ZMAT4: variants seen among roughly 807,000 people sequenced by gnomAD.
The protein encoded by ZMAT4 is zinc finger matrin-type 4.
In ZMAT4, 17 loss-of-function variants were observed where a neutral mutation model predicts 28.7. That is an observed-to-expected ratio of 0.59 (90% CI 0.41 to 0.89). The LOEUF is 0.89. Among genes scored for constraint, ZMAT4 ranks in the 40% least tolerant of loss-of-function variants. The pLI is 0.00. For missense variants in ZMAT4, 240 were observed against 283.8 expected (o/e 0.85, Z 1.11); for synonymous variants, 117 against 109.2 (o/e 1.07, Z -0.44).
chr8:40,767,529 T>A (rs2150561349), intron 3 of ZMAT4, 112 bp downstream of exon 3: 1 of 830,574 alleles, frequency 1.2e-6, no homozygotes, highest in Non-Finnish European at 1.8e-6. Context: ...GAACTATTTC[T>A]ACTCACTCAG....
intron 1 of ZMAT4, among the ~76,000 whole-genome samples, chr8:40,834,793 G>GT (rs1816417193): frequency 6.6e-6 from 1 of 152,208 alleles, no homozygotes; most frequent in South Asian, 2.1e-4. Flanking sequence ...TAAGGCTCCA[G>GT]TACTGTACCT....
At chr8:40,639,695 C>T (rs138007593) in intron 5 of ZMAT4, among the ~76,000 whole-genome samples, 62 of 147,990 alleles carry the variant, frequency 4.2e-4, no homozygotes, top group Middle Eastern at 3.6e-3. Flanking sequence ...TATCTGAGTT[C>T]CTGCCTGCTG....
chr8:40,544,213 C>G (rs1158094281), intron 6 of ZMAT4, among the ~76,000 whole-genome samples: 1 of 152,108 alleles, frequency 6.6e-6, no homozygotes, highest in African/African-American at 2.4e-5. Flanking sequence ...TTATAGTAAA[C>G]TGTAAGAGTG....
In ZMAT4 at chr8:40,560,360, A is replaced by G. The variant is rs1174813931; in HGVS notation, c.674+20805T>C. On this transcript the variant is annotated intron_variant, in intron 6 of 6. Transcript: ENST00000297737. The stretch of plus-strand genomic sequence containing the variant: ...TTCCTATGCCACAGTACCAGCAGAA[A>G]TATATTTTTTCATTTTATTCATCAA... Among the ~76,000 whole-genome samples the G allele has an allele frequency of 2.0e-5, 3 of 152,052 alleles. No individual in the cohort carries two copies. In the East Asian group the frequency reaches 5.8e-4, roughly 29 times the overall value.
At chr8:40,824,884 A>G (rs1394564434) in intron 2 of ZMAT4, among the ~76,000 whole-genome samples, 2 of 152,146 alleles carry the variant, frequency 1.3e-5, no homozygotes, top group Non-Finnish European at 2.9e-5. Context: ...TACTCAATCC[A>G]CAGCACCTCA....
At chr8:40,880,934 C>T (rs1173128285) in intron 1 of ZMAT4, among the ~76,000 whole-genome samples, 1 of 152,166 alleles carries the variant, frequency 6.6e-6, no homozygotes, top group Non-Finnish European at 1.5e-5. Context: ...TCAGCTCAGC[C>T]CAACCCAAAC....
intron 1 of ZMAT4, among the ~76,000 whole-genome samples, chr8:40,895,819 G>A (rs1039795801): frequency 6.6e-6 from 1 of 152,134 alleles, no homozygotes; most frequent in Non-Finnish European, 1.5e-5. Context: ...GAAAACCAAG[G>A]TGCTCTCATG....
intron 2 of ZMAT4, among the ~76,000 whole-genome samples, chr8:40,786,001 C>T (rs2150575210): frequency 6.6e-6 from 1 of 152,162 alleles, no homozygotes; most frequent in East Asian, 1.9e-4. Context: ...CCTTCAGCTC[C>T]TTGACAGCCC....
At chr8:40,792,918 CA>C (rs1814424201) in intron 2 of ZMAT4, among the ~76,000 whole-genome samples, 1 of 151,718 alleles carries the variant, frequency 6.6e-6, no homozygotes, top group Admixed American at 6.6e-5. Flanking sequence ...ATGGACATGG[CA>C]AAAAGATCAG....
intron 5 of ZMAT4, among the ~76,000 whole-genome samples, chr8:40,626,670 A>G (rs1017776461): frequency 2.6e-5 from 4 of 152,150 alleles, no homozygotes; most frequent in Non-Finnish European, 4.4e-5. Flanking sequence ...AACAGACTAG[A>G]TCTTTATCCT....
intron 1 of ZMAT4, among the ~76,000 whole-genome samples, chr8:40,848,897 G>T (rs1258779710): frequency 1.3e-5 from 2 of 152,072 alleles, no homozygotes; most frequent in African/African-American, 4.8e-5. Flanking sequence ...AACAAAGTCG[G>T]CACCTACATC....
chr8:40,547,496 C>T (rs1803241265), intron 6 of ZMAT4, among the ~76,000 whole-genome samples: 1 of 152,162 alleles, frequency 6.6e-6, no homozygotes, highest in Non-Finnish European at 1.5e-5. Context: ...GAATTTTAAC[C>T]TTGCAATTTA....
chr8:40,818,445 G>A (rs976452051), intron 2 of ZMAT4, among the ~76,000 whole-genome samples: 2 of 152,178 alleles, frequency 1.3e-5, no homozygotes, highest in African/African-American at 4.8e-5. Context: ...TATTATCTGT[G>A]TAGTAAGTCC....
At chr8:40,664,814 T>C (rs190715587) in intron 5 of ZMAT4, among the ~76,000 whole-genome samples, 7 of 152,306 alleles carry the variant, frequency 4.6e-5, no homozygotes, top group African/African-American at 1.4e-4. Context: ...TTATTGCTAT[T>C]GATATTTACC....
At chr8:40,760,809 C>T (rs540796730) in intron 3 of ZMAT4, among the ~76,000 whole-genome samples, 55 of 151,922 alleles carry the variant, frequency 3.6e-4, no homozygotes, top group Non-Finnish European at 2.4e-4. Flanking sequence ...TTGCACCATG[C>T]ACCTGCAAGT....
chr8:40,779,147 A>G (rs1813723214), intron 2 of ZMAT4, among the ~76,000 whole-genome samples: 1 of 152,118 alleles, frequency 6.6e-6, no homozygotes, highest in Non-Finnish European at 1.5e-5. Context: ...TTCTCATGGT[A>G]GTGAATAAGT....
rs900115283 is a variant in ZMAT4, at chr8:40,881,343, A to C, written c.-5+16340T>G. On this transcript the variant is annotated intron_variant, in intron 1 of 6. Coordinates refer to ENST00000297737, the MANE Select transcript of ZMAT4 (RefSeq NM_024645.3). ...GGTAGAGGTTTCAGTGAGCTGTGAG[A>C]CACCACTGCACTCCAGCCTGGGCAA... Among the ~76,000 whole-genome samples, 4 of 151,004 alleles carry C rather than the reference A, an allele frequency of 2.6e-5. No individual in the cohort carries two copies. The East Asian group carries it at 7.8e-4, about 29-fold the overall frequency.
At chr8:40,824,750 A>G (rs1815970082) in intron 2 of ZMAT4, among the ~76,000 whole-genome samples, 1 of 151,468 alleles carries the variant, frequency 6.6e-6, no homozygotes, top group Admixed American at 6.6e-5. Context: ...AAAGAAAAGA[A>G]AAAAAGAAAG....
rs138119574 is a variant in ZMAT4 at position 40,774,353 on chromosome 8, A to T, written c.103-6623T>A. Reference sequence around the variant, plus strand: ...TCTCCCATCAAATTGGCAAGGATTTACAAAATATATATATCCATATTGGTG... The same window carrying T: ...TCTCCCATCAAATTGGCAAGGATTTTCAAAATATATATATCCATATTGGTG... On this transcript the variant is annotated intron_variant, in intron 2 of 6. Coordinates refer to ENST00000297737, the MANE Select transcript of ZMAT4 (RefSeq NM_024645.3). 4.6e-5 allele frequency among the ~76,000 whole-genome samples: 7 copies of T among 152,306 alleles called. No homozygotes were observed. The East Asian group carries it at 1.3e-3, about 29-fold the overall frequency.
Sources: gnomAD v4.1 joint callset for allele counts (sites outside exome capture counted in the v4.1 genomes callset) on GRCh38, gnomAD v4.1.1 for gene constraint, MANE v1.5 for transcripts, NCBI Gene and HGNC (gene_info 2026-07-23, HGNC 2026-07-21) for gene names.